The following NID1 variants were observed in gnomAD, a reference collection of about 807,000 sequenced individuals.
NID1 encodes nidogen 1.
In NID1, 76 loss-of-function variants were observed where a neutral mutation model predicts 130.6. That is an observed-to-expected ratio of 0.58 (90% CI 0.48 to 0.70). NID1 has a LOEUF of 0.70. Among genes scored for constraint, NID1 ranks in the 30% least tolerant of loss-of-function variants. NID1 has a pLI of 0.00. For missense variants in NID1, 1,517 were observed against 1,664.8 expected, an observed-to-expected ratio of 0.91 and a Z score of 1.54; for synonymous variants, 665 against 675.1, an observed-to-expected ratio of 0.98 and a Z score of 0.23.
At chr1:235,982,807 AAGG>A (rs1381371554) in intron 15 of NID1, among the ~76,000 whole-genome samples, 1 of 152,152 alleles carries the variant, frequency 6.6e-6, no homozygotes, top group Admixed American at 6.5e-5. Context: ...TATAAGCAGG[AAGG>A]AGAAGGGGCT....
intron 12 of NID1, among the ~76,000 whole-genome samples, chr1:236,004,817 T>C (rs1658200154): frequency 7.0e-6 from 1 of 141,932 alleles, no homozygotes; most frequent in South Asian, 2.2e-4. Flanking sequence ...AGCTAGACCC[T>C]AGGAAATTGA....
intron 14 of NID1, among the ~76,000 whole-genome samples, chr1:235,989,892 T>C (rs944053590): frequency 1.3e-5 from 2 of 151,978 alleles, no homozygotes; most frequent in Non-Finnish European, 2.9e-5. Flanking sequence ...AGGGTTGAAG[T>C]TGGTAAGTGA....
intron 4 of NID1, among the ~76,000 whole-genome samples, chr1:236,039,276 A>C (rs1659374734): frequency 6.7e-6 from 1 of 150,302 alleles, no homozygotes; most frequent in East Asian, 1.9e-4. Flanking sequence ...TATAACATAA[A>C]ATTTGCCATT....
intron 10 of NID1, among the ~76,000 whole-genome samples, chr1:236,015,532 A>G (rs113371510): frequency 0.1 from 15,611 of 151,462 alleles, 1,733 homozygotes; most frequent in East Asian, 0.43. Context: ...CTGTAATTCC[A>G]GCTACTTGGG....
At chr1:235,988,863 C>T (rs987420756) in intron 14 of NID1, among the ~76,000 whole-genome samples, 7 of 152,040 alleles carry the variant, frequency 4.6e-5, no homozygotes, top group Non-Finnish European at 4.4e-5. Context: ...GGGGCTAGGA[C>T]ATGGGTGGAG....
chr1:235,985,306 T>G (rs1657544499), intron 15 of NID1, 73 bp downstream of exon 15: 1 of 1,539,842 alleles, frequency 6.5e-7, no homozygotes, highest in African/African-American at 1.4e-5. Flanking sequence ...TTTGCTGTTC[T>G]TCTCTGGCAT....
At chr1:236,049,141 C>A in intron 1 of NID1, 152 bp from the exon 2 acceptor site, 1 of 773,472 alleles carries the variant, frequency 1.3e-6, no homozygotes. Flanking sequence ...CCGCATACCC[C>A]AGCATTCATT....
At chr1:236,047,710 T>C (rs183025450) in intron 2 of NID1, among the ~76,000 whole-genome samples, 2 of 152,224 alleles carry the variant, frequency 1.3e-5, no homozygotes, top group African/African-American at 2.4e-5. Context: ...TATCGTTTCA[T>C]ATTAATAATT....
Position 235,979,215 on chromosome 1 carries a change from C to T in NID1, c.3510-108G>A. On this transcript the variant is annotated intron_variant, in intron 18 of 19. Coordinates refer to ENST00000264187, the MANE Select transcript of NID1 (RefSeq NM_002508.3). This position sits in a 1 kb window ranked among gnomAD's most constrained non-coding sequence, Gnocchi z 4.6. ...TTGAGGATAAACTGGAGGCCATAAA[C>T]AGACATGATGGCCTTCTTCCTAGAC... 1.4e-6 allele frequency: 1 copy of T among 715,934 alleles called. No individual in the cohort carries two copies. Among genetic ancestry groups the T allele is most frequent in the Non-Finnish European group, 2.5e-6 (1 of 404,594 alleles). 44.3% of individuals were successfully genotyped at this position (715,934 alleles called of 1,614,324 possible). A position where few individuals can be genotyped will look rare whatever the true frequency, so the allele number is the denominator to read the frequency against.
intron 12 of NID1, among the ~76,000 whole-genome samples, chr1:235,998,500 C>T (rs879396507): frequency 3.3e-5 from 5 of 152,018 alleles, no homozygotes; most frequent in Admixed American, 3.3e-4. Context: ...CATGGAGAAA[C>T]CCCGTCTGTA....
chr1:236,000,422 C>T (rs185710655), intron 12 of NID1, among the ~76,000 whole-genome samples: 5 of 152,270 alleles, frequency 3.3e-5, no homozygotes, highest in Admixed American at 6.5e-5. Context: ...ATAACTCAAC[C>T]AATTGACAAT....
At chr1:236,000,018 A>G (rs1284975314) in intron 12 of NID1, among the ~76,000 whole-genome samples, 1 of 152,126 alleles carries the variant, frequency 6.6e-6, no homozygotes, top group African/African-American at 2.4e-5. Context: ...GTTTGAGACC[A>G]GCCTGGCCAA....
chr1:235,982,097 A>G (rs1284681894), intron 15 of NID1, among the ~76,000 whole-genome samples: 3 of 152,166 alleles, frequency 2.0e-5, no homozygotes, highest in African/African-American at 4.8e-5. Flanking sequence ...TCCAGGTCCT[A>G]TGGGAGCCTG....
At chr1:236,015,372 C>T (rs1352355485) in intron 10 of NID1, among the ~76,000 whole-genome samples, 2 of 152,054 alleles carry the variant, frequency 1.3e-5, no homozygotes, top group East Asian at 1.9e-4. Context: ...GTAGGCCGGG[C>T]GTGGTGGCTT....
At position 236,026,028 on chromosome 1, in the gene NID1, A is replaced by C. The variant is rs775627292; in HGVS notation, c.1852T>G (p.Cys618Gly). The C allele has an allele frequency of 9.3e-6, 15 of 1,613,240 alleles. No individual in the cohort carries two copies. The highest frequency in any genetic ancestry group is 1.1e-5 in the Non-Finnish European group (13 of 1,179,962). ...QWRQTITFQE[C>G]VHDDSRPALP... is the part of the protein sequence containing the mutation. Reference sequence around the variant, plus strand: ...GCTGGCCGGGAGTCATCGTGGACGCATTCCTGGAAGGTGATGGTCTGGCGC... The same window carrying C: ...GCTGGCCGGGAGTCATCGTGGACGCCTTCCTGGAAGGTGATGGTCTGGCGC... The change falls in exon 8 of 20, where the codon TGC becomes GGC. Residue 618 changes from cysteine to glycine, a missense_variant. Transcript: ENST00000264187.
At chr1:236,049,655 A>C (rs1271559393) in intron 1 of NID1, among the ~76,000 whole-genome samples, 2 of 152,170 alleles carry the variant, frequency 1.3e-5, no homozygotes, top group Non-Finnish European at 2.9e-5. Flanking sequence ...TTAAAGTTTA[A>C]TGTGTCAGGA....
Position 235,981,599 on chromosome 1 carries a change from A to G in NID1, c.3227+12T>C, listed in dbSNP as rs1338463878. The G allele has an allele frequency of 2.5e-6, 4 of 1,606,738 alleles. No homozygotes were observed. The highest frequency in any genetic ancestry group is 3.4e-6 in the Non-Finnish European group (4 of 1,176,408). On this transcript the variant is annotated intron_variant, in intron 16 of 19. Transcript: ENST00000264187. ...ATCAAAGAGATGCACACACATATTT[A>G]CACAAAGATACCCTCTCACGGAATC...
Position 235,991,040 on chromosome 1 carries a change from G to A in NID1, c.2774C>T (p.Pro925Leu), listed in dbSNP as rs992082328. The A allele has an allele frequency of 1.2e-6, 2 of 1,601,934 alleles. No homozygotes were observed. The highest frequency in any genetic ancestry group is 1.7e-6 in the Non-Finnish European group (2 of 1,174,310). ...MTPPCLSTVA[P>L]PIHQGPAVPT... is the part of the protein sequence containing the mutation. The stretch of plus-strand genomic sequence containing the variant: ...CACCGCAGGTCCTTGGTGAATCGGG[G>A]GAGCCACTGTACTCAGACCTGCATG... The change falls in exon 14 of 20, where the codon CCC becomes CTC. Residue 925 changes from proline to leucine, a missense_variant. Physicochemically the swap from Pro to Leu is moderately conservative, Grantham distance 98 (BLOSUM62 -3). Coordinates refer to ENST00000264187, the MANE Select transcript of NID1 (RefSeq NM_002508.3).
intron 1 of NID1, among the ~76,000 whole-genome samples, chr1:236,052,672 AT>A (rs1331827173): frequency 6.6e-6 from 1 of 152,156 alleles, no homozygotes; most frequent in East Asian, 1.9e-4. Flanking sequence ...CCATGTCTGC[AT>A]GGCTTTTCTC....
Sources: gnomAD v4.1 joint callset for allele counts (sites outside exome capture counted in the v4.1 genomes callset) on GRCh38, gnomAD v4.1.1 for gene constraint, Gnocchi (gnomAD v3.1) non-coding constraint, MANE v1.5 for transcripts, NCBI Gene and HGNC (gene_info 2026-07-23, HGNC 2026-07-21) for gene names.